The following PGR variants were observed in gnomAD, a reference collection of about 807,000 sequenced individuals.
PGR encodes the protein nuclear receptor subfamily 3 group C member 3.
Under a neutral mutation model 76.1 loss-of-function variants are expected in PGR, and 25 were observed. The observed-to-expected ratio is 0.33, with a 90% confidence interval of 0.24 to 0.46. PGR has a LOEUF of 0.46. Among genes scored for constraint, PGR ranks in the 20% least tolerant of loss-of-function variants. The pLI, the probability that PGR is intolerant of heterozygous loss-of-function variation, is 1.00. For missense variants in PGR, 1,172 were observed against 1,225.3 expected (o/e 0.96, Z 0.65); for synonymous variants, 579 against 535.0 (o/e 1.08, Z -1.14).
At chr11:101,061,736 T>G (rs1328977868) in intron 4 of PGR, among the ~76,000 whole-genome samples, 1 of 152,190 alleles carries the variant, frequency 6.6e-6, no homozygotes, top group Non-Finnish European at 1.5e-5. Context: ...GGCTCTGCAG[T>G]CTAAGATTTA....
At chr11:101,044,600 C>G (rs1859800697) in intron 6 of PGR, among the ~76,000 whole-genome samples, 1 of 151,848 alleles carries the variant, frequency 6.6e-6, no homozygotes, top group African/African-American at 2.4e-5. Flanking sequence ...TTTTGACATG[C>G]CTTCCTAATT....
chr11:101,082,682 T>G (rs958470034), intron 3 of PGR, among the ~76,000 whole-genome samples: 1 of 152,186 alleles, frequency 6.6e-6, no homozygotes, highest in Non-Finnish European at 1.5e-5. Context: ...ATTTGGGGTA[T>G]CTGGTGGAAA....
chr11:101,128,018 G>A lies in PGR; in HGVS notation c.1053C>T (p.Thr351=), dbSNP rs1234736778. 3.7e-6 allele frequency: 6 copies of A among 1,609,462 alleles called. No individual in the cohort carries two copies. The highest frequency in any genetic ancestry group is 4.2e-6 in the Non-Finnish European group (5 of 1,179,824). ...PPRSSPCASS[T]PVAVGDFPDC... ...CGGGGAAGTCGCCTACAGCGACCGG[G>A]GTGGACGAGGCACAGGGTGAACTCC... Residue 351 remains threonine, a synonymous_variant, in exon 1 of 8, where the codon ACC becomes ACT. Coordinates refer to ENST00000325455, the MANE Select transcript of PGR (RefSeq NM_000926.4).
intron 2 of PGR, among the ~76,000 whole-genome samples, chr11:101,107,930 T>C (rs996313474): frequency 1.1e-4 from 16 of 147,680 alleles, no homozygotes; most frequent in African/African-American, 3.8e-4. Context: ...TTTTCCTAAA[T>C]GTTATTTAAG....
intron 2 of PGR, among the ~76,000 whole-genome samples, chr11:101,101,987 A>C (rs960782381): frequency 6.6e-6 from 1 of 152,138 alleles, no homozygotes; most frequent in African/African-American, 2.4e-5. Context: ...TTCTTGTCAA[A>C]ACGTTTAACT....
At chr11:101,050,145 T>G in intron 5 of PGR, 86 bp from the exon 6 acceptor site, 1 of 1,380,278 alleles carries the variant, frequency 7.2e-7, no homozygotes, top group Non-Finnish European at 1.0e-6. Context: ...TCAGGGAATA[T>G]GGTTTTGGTA....
intron 3 of PGR, among the ~76,000 whole-genome samples, chr11:101,071,493 A>G (rs1321131402): frequency 1.3e-5 from 2 of 152,060 alleles, no homozygotes; most frequent in African/African-American, 4.8e-5. Flanking sequence ...AATTGACAGA[A>G]GTAGGCTTCA....
At chr11:101,056,155 GTAC>G (rs986056863) in intron 4 of PGR, among the ~76,000 whole-genome samples, 2 of 151,854 alleles carry the variant, frequency 1.3e-5, no homozygotes, top group African/African-American at 4.8e-5. Context: ...GGTAAACTTA[GTAC>G]ATTTGAGATG....
intron 2 of PGR, among the ~76,000 whole-genome samples, chr11:101,093,077 C>G (rs933495654): frequency 1.3e-5 from 2 of 152,134 alleles, no homozygotes; most frequent in Admixed American, 6.5e-5. Context: ...GGTTCCTGAC[C>G]TCATGCATTT....
At chr11:101,113,427 A>T (rs968888951) in intron 2 of PGR, among the ~76,000 whole-genome samples, 51 of 147,292 alleles carry the variant, frequency 3.5e-4, no homozygotes, top group African/African-American at 9.3e-4. Flanking sequence ...ATGCCTGGCT[A>T]TTTTTTTTTT....
In PGR at chr11:101,034,797, G is replaced by C. The variant is rs753004389; in HGVS notation, c.*4319C>G. On this transcript the variant is annotated 3_prime_UTR_variant, in exon 8 of 8. Transcript: ENST00000325455. Reference sequence around the variant, plus strand: ...GGCTTGGATTATATTTTATAATATGGGTGAAGAGTCAGTTGTTTTACTGCT... The same window carrying C: ...GGCTTGGATTATATTTTATAATATGCGTGAAGAGTCAGTTGTTTTACTGCT... 2.3e-5 allele frequency: 4 copies of C among 177,420 alleles called. No individual in the cohort carries two copies. Among genetic ancestry groups the C allele is most frequent in the Non-Finnish European group, 3.6e-5 (3 of 82,536 alleles). 11.0% of individuals were successfully genotyped at this position (177,420 alleles called of 1,614,324 possible).
At chr11:101,049,893 T>G in intron 6 of PGR, 36 bp downstream of exon 6, 1 of 1,565,168 alleles carries the variant, frequency 6.4e-7, no homozygotes, top group Non-Finnish European at 8.8e-7. Flanking sequence ...ATTAAGAAAC[T>G]AGATATCTTG....
intron 4 of PGR, among the ~76,000 whole-genome samples, chr11:101,060,603 T>C (rs1434609146): frequency 6.6e-6 from 1 of 152,190 alleles, no homozygotes; most frequent in Non-Finnish European, 1.5e-5. Flanking sequence ...AGAGGTCAAA[T>C]AGTCACTCTA....
At chr11:101,055,160 A>C (rs1247229707) in intron 4 of PGR, among the ~76,000 whole-genome samples, 1 of 152,104 alleles carries the variant, frequency 6.6e-6, no homozygotes, top group African/African-American at 2.4e-5. Flanking sequence ...CACGCCTGTA[A>C]TCCCAGCACT....
rs11571203 is a variant in PGR at position 101,067,488 on chromosome 11, AC to A, written c.1907-4737del. On this transcript the variant is annotated intron_variant, in intron 3 of 7. Transcript: ENST00000325455. ...GACACAGAATACAGGAACACACAAA[AC>A]AATGAAGAGCTGCCATGGAGTGTAA... Among the ~76,000 whole-genome samples, 310 of 152,186 alleles carry A rather than the reference AC, an allele frequency of 2.0e-3. 1 individual carries two copies. The highest frequency in any genetic ancestry group is 6.9e-3 in the African/African-American group (286 of 41,534).
chr11:101,074,942 T>C (rs1238450040), intron 3 of PGR, among the ~76,000 whole-genome samples: 8 of 152,118 alleles, frequency 5.3e-5, no homozygotes, highest in African/African-American at 1.9e-4. Flanking sequence ...CAAGCTAACA[T>C]TGACTTTCTT....
rs768660079 is a variant in PGR, at chr11:101,036,230, G to A, written c.*2886C>T. On this transcript the variant is annotated 3_prime_UTR_variant, in exon 8 of 8. Transcript: ENST00000325455. ...TGTTCATCATATTTCCATATCATCT[G>A]TATAGCAATAAATTATCTTAATGTT... is the stretch of plus-strand genomic sequence containing the variant. 3.6e-5 allele frequency: 8 copies of A among 220,668 alleles called. No homozygotes were observed. The highest frequency in any genetic ancestry group is 1.2e-4 in the Admixed American group (2 of 17,302). The allele number at this position is 220,668 out of a possible 1,614,324, so 13.7% of individuals were successfully genotyped here.
intron 7 of PGR, 86 bp from the exon 8 acceptor site, chr11:101,039,357 C>A: frequency 1.0e-6 from 1 of 997,818 alleles, no homozygotes; most frequent in Non-Finnish European, 1.5e-6. Context: ...ATTTTTCTAA[C>A]TATTTATAAT....
At chr11:101,078,160 T>C (rs999590761) in intron 3 of PGR, among the ~76,000 whole-genome samples, 3 of 152,052 alleles carry the variant, frequency 2.0e-5, no homozygotes, top group Admixed American at 1.3e-4. Context: ...AGTTATTCTC[T>C]TTGCCATAAG....
Sources: allele counts gnomAD v4.1 joint callset (sites outside exome capture counted in the v4.1 genomes callset), GRCh38; gene constraint gnomAD v4.1.1; transcripts MANE v1.5; gene names NCBI Gene and HGNC (gene_info 2026-07-23, HGNC 2026-07-21).